The following GRIP2 variants were observed in gnomAD, a reference collection of about 807,000 sequenced individuals.
The protein encoded by GRIP2 is glutamate receptor interacting protein 2.
In GRIP2, 58 loss-of-function variants were observed where a neutral mutation model predicts 108.3. That is an observed-to-expected ratio of 0.54 (90% CI 0.43 to 0.67). The LOEUF (loss-of-function observed/expected upper bound fraction) is 0.67, where lower values mean the gene tolerates loss of function less well. GRIP2 is among the 30% of genes least tolerant of loss of function. The pLI, the probability that GRIP2 is intolerant of heterozygous loss-of-function variation, is 0.00. For synonymous variants in GRIP2, 586 were observed against 598.2 expected (o/e 0.98, Z 0.30); for missense variants, 1,278 against 1,430.6 (o/e 0.89, Z 1.72).
At chr3:14,557,303 A>G (rs1355021972), upstream of GRIP2, among the ~76,000 whole-genome samples, 2 of 152,262 alleles carry the variant, frequency 1.3e-5, no homozygotes, top group Admixed American at 1.3e-4. Context: ...GTAATCTCCC[A>G]GCCCTTCTGA....
chr3:14,506,796 A>G lies in GRIP2; in HGVS notation c.2398+5T>C, dbSNP rs1693940938. The G allele has an allele frequency of 8.8e-6, 14 of 1,587,030 alleles. No individual in the cohort carries two copies. Among genetic ancestry groups the G allele is most frequent in the Non-Finnish European group, 1.1e-5 (13 of 1,166,526 alleles). ...GCCACTTGTCCAAGGGCCCCAAGGT[A>G]TTACCTGGGCCCCCAAAGCCACCCT... On this transcript the variant is annotated splice_donor_5th_base_variant and intron_variant, in intron 19 of 23. Coordinates refer to ENST00000621039, the MANE Select transcript of GRIP2 (RefSeq NM_001080423.4).
At chr3:14,496,132 G>A (rs1399445437) in intron 22 of GRIP2, among the ~76,000 whole-genome samples, 4 of 152,128 alleles carry the variant, frequency 2.6e-5, no homozygotes, top group Non-Finnish European at 2.9e-5. Flanking sequence ...GCAGCAGAAC[G>A]AGACCCTGTC....
chr3:14,501,998 G>A (rs770655861), intron 21 of GRIP2, among the ~76,000 whole-genome samples: 22 of 151,956 alleles, frequency 1.4e-4, no homozygotes, highest in Non-Finnish European at 2.8e-4. Flanking sequence ...AAGAAAATGG[G>A]ATAAATAGGA....
Position 14,490,400 on chromosome 3 carries a change from C to G in GRIP2, c.*3265G>C, listed in dbSNP as rs986139896. ...CTCGCTTCCTGGAAAGAAGCTCTTC[C>G]TCTGCTCACAGAACTGTGGCCTCCC... On this transcript the variant is annotated 3_prime_UTR_variant, in exon 24 of 24. Coordinates refer to ENST00000621039, the MANE Select transcript of GRIP2 (RefSeq NM_001080423.4). 3 of 152,752 alleles carry G rather than the reference C, an allele frequency of 2.0e-5. No homozygotes were observed. Among genetic ancestry groups the G allele is most frequent in the African/African-American group, 7.2e-5 (3 of 41,476 alleles). The allele number at this position is 152,752 out of a possible 1,614,324, so 9.5% of individuals were successfully genotyped here.
chr3:14,579,788 G>A, the GRIP2 span, among the ~76,000 whole-genome samples: 41,602 of 152,146 alleles, frequency 0.27, 6,698 homozygotes, highest in South Asian at 0.35. Context: ...CTTATCAAAT[G>A]TTGATTTCTC....
chr3:14,507,613 G>A lies in GRIP2; in HGVS notation c.2166C>T (p.Leu722=), dbSNP rs372152413. The stretch of plus-strand genomic sequence containing the variant: ...TGACGGTCTCTCCAGCCACCTGCAG[G>A]AGGTGGATGGCCTCGCTCAGCGGCC... The part of the protein sequence containing the change: ...KGRPLSEAIH[L]LQVAGETVTL... The change falls in exon 18 of 24, where the codon CTC becomes CTT. Residue 722 remains leucine, a synonymous_variant. Transcript: ENST00000621039. This position sits in a 1 kb window ranked among gnomAD's most constrained non-coding sequence, Gnocchi z 4.6. 2 of 1,614,010 alleles carry A rather than the reference G, an allele frequency of 1.2e-6. No individual in the cohort carries two copies. The highest frequency in any genetic ancestry group is 8.5e-7 in the Non-Finnish European group (1 of 1,179,870).
chr3:14,503,687 C>G lies in GRIP2; in HGVS notation c.2574-16G>C. 1 of 1,219,540 alleles carries G rather than the reference C, an allele frequency of 8.2e-7. No homozygotes were observed. Among genetic ancestry groups the G allele is most frequent in the East Asian group, 3.1e-5 (1 of 32,206 alleles). 75.5% of individuals were successfully genotyped at this position (1,219,540 alleles called of 1,614,324 possible). A position where few individuals can be genotyped will look rare whatever the true frequency, so the allele number is the denominator to read the frequency against. ...AGGGGCTGGGCTGTAACGTAGGAAC[C>G]AGAGAGCGTCAACTCCTGGCAGGCG... On this transcript the variant is annotated splice_polypyrimidine_tract_variant and intron_variant, in intron 20 of 23. Coordinates refer to ENST00000621039, the MANE Select transcript of GRIP2 (RefSeq NM_001080423.4).
chr3:14,546,701 G>A (rs1695063298), upstream of GRIP2, among the ~76,000 whole-genome samples: 1 of 152,248 alleles, frequency 6.6e-6, no homozygotes, highest in South Asian at 2.1e-4. Flanking sequence ...CCAAGTTCAT[G>A]CAGAGGTGTC....
chr3:14,550,674 A>G (rs189278751), intron 1 of GRIP2, among the ~76,000 whole-genome samples: 322 of 152,256 alleles, frequency 2.1e-3, no homozygotes, highest in African/African-American at 7.6e-3. Context: ...TGCGGTCTTT[A>G]GGGGCTGCTT....
Position 14,510,000 on chromosome 3 carries a change from G to A in GRIP2, c.1934-36C>T, listed in dbSNP as rs374293078. On this transcript the variant is annotated intron_variant, in intron 16 of 23. Coordinates refer to ENST00000621039, the MANE Select transcript of GRIP2 (RefSeq NM_001080423.4). ...GGGGACCCATGAGGAGGAGGCCCCC[G>A]AGGGGGTACCCAGCTTCCTAAAGCC... is the stretch of plus-strand genomic sequence containing the variant. The A allele has an allele frequency of 5.2e-5, 72 of 1,397,876 alleles. No homozygotes were observed. In the African/African-American group the frequency reaches 8.4e-4, roughly 16 times the overall value. The allele number at this position is 1,397,876 out of a possible 1,614,324, so 86.6% of individuals were successfully genotyped here.
At chr3:14,504,139 C>T (rs950321932) in intron 20 of GRIP2, among the ~76,000 whole-genome samples, 2 of 152,006 alleles carry the variant, frequency 1.3e-5, no homozygotes, top group African/African-American at 2.4e-5. Flanking sequence ...GGGAAGGGGT[C>T]GAGACCACCC....
upstream of GRIP2, among the ~76,000 whole-genome samples, chr3:14,540,764 T>C (rs143588320): frequency 2.0e-3 from 307 of 152,190 alleles, 3 homozygotes; most frequent in African/African-American, 6.7e-3. This position sits in a 1 kb window ranked among gnomAD's most constrained non-coding sequence, Gnocchi z 4.1. Context: ...ATAAGCTAGA[T>C]GAAGCACAGA....
upstream of GRIP2, among the ~76,000 whole-genome samples, chr3:14,556,760 A>G (rs116510771): frequency 0.017 from 2,573 of 152,314 alleles, 79 homozygotes; most frequent in African/African-American, 0.059. Flanking sequence ...TGTCGTACAC[A>G]TGGCTAGCCT....
In GRIP2 at chr3:14,522,791, T is replaced by A; in HGVS notation, c.566+209A>T. On this transcript the variant is annotated intron_variant, in intron 6 of 23. Coordinates refer to ENST00000621039, the MANE Select transcript of GRIP2 (RefSeq NM_001080423.4). This position sits in a 1 kb window ranked among gnomAD's most constrained non-coding sequence, Gnocchi z 4.3. The stretch of plus-strand genomic sequence containing the variant: ...CCCCAACCCCTGAGACAGCAGTATG[T>A]TGGGGAAGAAAGGGCTCGAGGTTTC... 1.8e-6 allele frequency: 1 copy of A among 563,180 alleles called. No individual in the cohort carries two copies. The highest frequency in any genetic ancestry group is 2.1e-5 in the South Asian group (1 of 47,844). 34.9% of individuals were successfully genotyped at this position (563,180 alleles called of 1,614,324 possible). A position where few individuals can be genotyped will look rare whatever the true frequency, so the allele number is the denominator to read the frequency against.
chr3:14,523,992 C>CAGTT (rs1251491025), intron 4 of GRIP2: 1 of 499,746 alleles, frequency 2.0e-6, no homozygotes, highest in African/African-American at 1.9e-5. Flanking sequence ...GAATTCCAGA[C>CAGTT]AGTTACTCAA....
chr3:14,576,796 C>G, the GRIP2 span, among the ~76,000 whole-genome samples: 2 of 152,198 alleles, frequency 1.3e-5, no homozygotes, highest in African/African-American at 4.8e-5. Context: ...ATCTCAAATA[C>G]CAATGTATGA....
chr3:14,550,636 T>C (rs1047158535), intron 1 of GRIP2, among the ~76,000 whole-genome samples: 1 of 152,174 alleles, frequency 6.6e-6, no homozygotes, highest in Non-Finnish European at 1.5e-5. Context: ...AATGGGAGTA[T>C]ATGTGGGGCT....
At chr3:14,524,068 A>G in intron 4 of GRIP2, 1 of 483,798 alleles carries the variant, frequency 2.1e-6, no homozygotes. Context: ...ACCGTTACTT[A>G]GTGCAGGGCA....
Position 14,553,762 on chromosome 3 carries a change from AG to A in GRIP2, c.55+2137del, listed in dbSNP as rs1443489272. Among the ~76,000 whole-genome samples the A allele has an allele frequency of 5.3e-5, 8 of 152,318 alleles. No homozygotes were observed. In the East Asian group the frequency reaches 1.5e-3, roughly 29 times the overall value. ...AAAAGATTTTGAAGAAGAAGACAGA[AG>A]AAACACCTTGCCTTCTCCCACATCT... On this transcript the variant is annotated intron_variant, in intron 1 of 23. Coordinates refer to the GRIP2 transcript ENST00000637182.
Sources: allele counts gnomAD v4.1 joint callset (sites outside exome capture counted in the v4.1 genomes callset), GRCh38; gene constraint gnomAD v4.1.1; non-coding constraint Gnocchi (gnomAD v3.1); transcripts MANE v1.5; gene names NCBI Gene and HGNC (gene_info 2026-07-23, HGNC 2026-07-21).